TSHZ2: variants seen among roughly 807,000 people sequenced by gnomAD.
TSHZ2 encodes teashirt zinc finger homeobox 2, also known as teashirt homolog 2.
Under a neutral mutation model 74.4 loss-of-function variants are expected in TSHZ2, and 21 were observed. The observed-to-expected ratio is 0.28, with a 90% confidence interval of 0.20 to 0.41. The LOEUF (loss-of-function observed/expected upper bound fraction) is 0.41. Ranked by LOEUF, TSHZ2 falls within the 10% of genes least tolerant of loss-of-function variation. The pLI, the probability that TSHZ2 is intolerant of heterozygous loss-of-function variation, is 1.00. For missense variants in TSHZ2, 1,244 were observed against 1,293.5 expected, an observed-to-expected ratio of 0.96 and a Z score of 0.59; for synonymous variants, 540 against 515.3, an observed-to-expected ratio of 1.05 and a Z score of -0.65.
chr20:53,364,022 G>T (rs989505646), intron 2 of TSHZ2, among the ~76,000 whole-genome samples: 6 of 152,192 alleles, frequency 3.9e-5, no homozygotes, highest in African/African-American at 1.4e-4. Flanking sequence ...GTGTTAAATA[G>T]TAATAAATAC....
intron 1 of TSHZ2, among the ~76,000 whole-genome samples, chr20:53,207,143 A>G (rs1257740494): frequency 6.6e-6 from 1 of 152,142 alleles, no homozygotes; most frequent in Non-Finnish European, 1.5e-5. Context: ...GCCCTAATAA[A>G]CATACAGTTG....
chr20:53,425,963 T>C (rs1046798017), intron 2 of TSHZ2, among the ~76,000 whole-genome samples: 1 of 152,224 alleles, frequency 6.6e-6, no homozygotes, highest in Non-Finnish European at 1.5e-5. Context: ...ATTCCCACTT[T>C]TCTATCCTTA....
At chr20:53,280,743 A>G (rs1600786681) in intron 2 of TSHZ2, among the ~76,000 whole-genome samples, 1 of 151,788 alleles carries the variant, frequency 6.6e-6, no homozygotes, top group African/African-American at 2.4e-5. Context: ...TCCAGGCTGG[A>G]GTACAGTGGC....
At chr20:53,056,654 C>T (rs1026612367) in intron 1 of TSHZ2, among the ~76,000 whole-genome samples, 3 of 152,166 alleles carry the variant, frequency 2.0e-5, no homozygotes, top group African/African-American at 4.8e-5. Flanking sequence ...ACACAAACCC[C>T]AGCACACACT....
At chr20:53,089,428 A>G (rs1985808444) in intron 1 of TSHZ2, among the ~76,000 whole-genome samples, 1 of 150,814 alleles carries the variant, frequency 6.6e-6, no homozygotes, top group African/African-American at 2.4e-5. Context: ...AGAGATAAGT[A>G]GGGATTTTTC....
At chr20:53,233,411 G>A (rs1026850671) in intron 1 of TSHZ2, among the ~76,000 whole-genome samples, 1 of 152,310 alleles carries the variant, frequency 6.6e-6, no homozygotes, top group East Asian at 1.9e-4. Context: ...CTGTCTAATA[G>A]GGGACAGAAA....
intron 1 of TSHZ2, among the ~76,000 whole-genome samples, chr20:53,023,765 A>G (rs1294237029): frequency 2.6e-5 from 4 of 152,220 alleles, no homozygotes; most frequent in African/African-American, 9.6e-5. Flanking sequence ...AAACAGGAAT[A>G]TCAAGGACAT....
chr20:53,448,465 A>G (rs1984646008), intron 2 of TSHZ2, among the ~76,000 whole-genome samples: 1 of 152,186 alleles, frequency 6.6e-6, no homozygotes, highest in Non-Finnish European at 1.5e-5. Context: ...TTCCTGAGAA[A>G]GGAACTCAGA....
At chr20:53,051,457 G>GCGCACACACA (rs778579793) in intron 1 of TSHZ2, among the ~76,000 whole-genome samples, 5 of 145,100 alleles carry the variant, frequency 3.4e-5, no homozygotes, top group South Asian at 2.2e-4. Context: ...TGTGGCGCAC[G>GCGCACACACA]CACACACACA....
chr20:53,303,349 T>A (rs1978386885), intron 2 of TSHZ2, among the ~76,000 whole-genome samples: 2 of 152,254 alleles, frequency 1.3e-5, no homozygotes, highest in Admixed American at 1.3e-4. Flanking sequence ...TACACAAATA[T>A]TTCCTTTAAG....
In TSHZ2 at chr20:53,123,298, G is replaced by A. The variant is rs144425978; in HGVS notation, c.41-130201G>A. 4.6e-5 allele frequency among the ~76,000 whole-genome samples: 7 copies of A among 152,332 alleles called. No homozygotes were observed. In the East Asian group the frequency reaches 1.3e-3, roughly 29 times the overall value. On this transcript the variant is annotated intron_variant, in intron 1 of 2. Transcript: ENST00000371497. ...CATTTTTTTAGCTCACCAGTCTGTG[G>A]AGTACAGATGACCTGGGCTAGAGCT...
chr20:53,244,686 T>C (rs1195695980), intron 1 of TSHZ2, among the ~76,000 whole-genome samples: 1 of 152,232 alleles, frequency 6.6e-6, no homozygotes, highest in Non-Finnish European at 1.5e-5. Context: ...CCTCTCTCAG[T>C]GCAAAGCCCG....
At chr20:53,384,135 C>T (rs528415379) in intron 2 of TSHZ2, among the ~76,000 whole-genome samples, 26 of 152,242 alleles carry the variant, frequency 1.7e-4, no homozygotes, top group Non-Finnish European at 3.4e-4. Context: ...GTGTGAGAGC[C>T]GACCAGATTT....
At chr20:53,469,205 T>C (rs1985677902) in intron 2 of TSHZ2, among the ~76,000 whole-genome samples, 1 of 151,284 alleles carries the variant, frequency 6.6e-6, no homozygotes, top group South Asian at 2.1e-4. Context: ...CCTTGTTGGA[T>C]TGTTTTAATA....
intron 2 of TSHZ2, among the ~76,000 whole-genome samples, chr20:53,419,128 C>A (rs117308110): frequency 6.6e-6 from 1 of 152,214 alleles, no homozygotes; most frequent in Non-Finnish European, 1.5e-5. Flanking sequence ...GCAACTGTCT[C>A]AGCATTAAGC....
At chr20:53,405,544 C>A (rs1382419732) in intron 2 of TSHZ2, among the ~76,000 whole-genome samples, 1 of 152,086 alleles carries the variant, frequency 6.6e-6, no homozygotes. Context: ...CTTTTTTAGT[C>A]CTAGGTACTA....
At position 53,045,229 on chromosome 20, in the gene TSHZ2, G is replaced by A. The variant is rs139171471; in HGVS notation, c.40+71896G>A. On this transcript the variant is annotated intron_variant, in intron 1 of 2. Coordinates refer to ENST00000371497, the MANE Select transcript of TSHZ2 (RefSeq NM_173485.6). ...CCCTGTGAGAAGGGAAGAGTACAGC[G>A]GGTCATACGCTGACTCTCACAGTGA... Among the ~76,000 whole-genome samples, 280 of 152,234 alleles carry A rather than the reference G, an allele frequency of 1.8e-3. 1 individual carries two copies. The highest frequency in any genetic ancestry group is 6.1e-3 in the African/African-American group (255 of 41,540).
chr20:53,238,184 G>C (rs561989760), intron 1 of TSHZ2, among the ~76,000 whole-genome samples: 1 of 152,148 alleles, frequency 6.6e-6, no homozygotes, highest in Non-Finnish European at 1.5e-5. Context: ...AAACCATTCC[G>C]TTTGGGTTAG....
intron 1 of TSHZ2, among the ~76,000 whole-genome samples, chr20:53,191,122 T>A (rs1342803792): frequency 6.6e-6 from 1 of 152,148 alleles, no homozygotes; most frequent in East Asian, 1.9e-4. Context: ...TTGTTATGTA[T>A]TATCAAAATA....
Sources: gnomAD v4.1 joint callset for allele counts (sites outside exome capture counted in the v4.1 genomes callset) on GRCh38, gnomAD v4.1.1 for gene constraint, MANE v1.5 for transcripts, NCBI Gene and HGNC (gene_info 2026-07-23, HGNC 2026-07-21) for gene names.